ACBD6: variants seen among roughly 807,000 people sequenced by gnomAD.
ACBD6 encodes acyl-CoA binding domain containing 6, also known as acyl-CoA-binding domain-containing protein 6.
Under a neutral mutation model 37.2 loss-of-function variants are expected in ACBD6, and 28 were observed. That is an observed-to-expected ratio of 0.75 (90% confidence interval 0.56 to 1.03). The LOEUF is 1.03. ACBD6 is among the 50% of genes least tolerant of loss of function. ACBD6 has a pLI of 0.00. For synonymous variants in ACBD6, 113 were observed against 126.8 expected (o/e 0.89, Z 0.73); for missense variants, 340 against 337.4 (o/e 1.01, Z -0.06).
chr1:180,289,454 A>C (rs1649616848), intron 7 of ACBD6, among the ~76,000 whole-genome samples: 1 of 152,230 alleles, frequency 6.6e-6, no homozygotes, highest in Non-Finnish European at 1.5e-5. Context: ...AATGCCAAGC[A>C]CTGATAAGGA....
At chr1:180,321,048 G>A (rs996910871) in intron 6 of ACBD6, among the ~76,000 whole-genome samples, 7 of 152,106 alleles carry the variant, frequency 4.6e-5, no homozygotes, top group African/African-American at 1.2e-4. Flanking sequence ...TAAAGAGGCT[G>A]TCTTTTCCCC....
chr1:180,361,744 C>T (rs1013034339), intron 6 of ACBD6, among the ~76,000 whole-genome samples: 13 of 152,114 alleles, frequency 8.5e-5, no homozygotes, highest in African/African-American at 3.1e-4. Flanking sequence ...CAAAATACCA[C>T]AGAAACATCA....
intron 6 of ACBD6, among the ~76,000 whole-genome samples, chr1:180,314,958 G>A (rs1227476057): frequency 2.6e-5 from 4 of 152,158 alleles, no homozygotes; most frequent in Admixed American, 6.5e-5. Context: ...AGGATGACCA[G>A]TTACTCCAGA....
intron 7 of ACBD6, among the ~76,000 whole-genome samples, chr1:180,294,326 G>A (rs577001940): frequency 3.3e-5 from 5 of 152,026 alleles, no homozygotes; most frequent in Admixed American, 2.6e-4. Context: ...ATTGCCTGAG[G>A]TCAGGAGTTT....
At chr1:180,476,892 G>A (rs954216003) in intron 3 of ACBD6, among the ~76,000 whole-genome samples, 11 of 151,980 alleles carry the variant, frequency 7.2e-5, no homozygotes, top group African/African-American at 2.4e-4. Context: ...CAAGTACATG[G>A]ATGGAAGAAA....
chr1:180,404,296 G>A (rs1647510929), intron 5 of ACBD6, among the ~76,000 whole-genome samples: 2 of 151,958 alleles, frequency 1.3e-5, no homozygotes, highest in African/African-American at 4.8e-5. Flanking sequence ...GTATGGTGGT[G>A]GTGGTTACAC....
At chr1:180,421,067 T>C (rs1273099194) in intron 4 of ACBD6, among the ~76,000 whole-genome samples, 1 of 152,132 alleles carries the variant, frequency 6.6e-6, no homozygotes, top group Non-Finnish European at 1.5e-5. Flanking sequence ...GTTTGCTACA[T>C]ATGTAAATAG....
In ACBD6 at chr1:180,492,279, C is replaced by T; in HGVS notation, c.374G>A (p.Trp125Ter). The change falls in exon 3 of 8, where the codon TGG becomes TAG. Residue 125 changes from tryptophan to a stop codon, truncating the protein, a stop_gained. Coordinates refer to ENST00000367595, the MANE Select transcript of ACBD6 (RefSeq NM_032360.4). LOFTEE classifies it high-confidence loss of function. ...IAVVKKLDPG[W>*]NPQIPEKKGK... Reference sequence around the variant, plus strand: ...ATCATTAAGTCTTACCTGAGGATTCCAACCTGGATCTAGTTTTTTAACTAC... The same window carrying T: ...ATCATTAAGTCTTACCTGAGGATTCTAACCTGGATCTAGTTTTTTAACTAC... 6.2e-7 allele frequency: 1 copy of T among 1,613,488 alleles called. No individual in the cohort carries two copies. Among genetic ancestry groups the T allele is most frequent in the Non-Finnish European group, 8.5e-7 (1 of 1,179,574 alleles).
At chr1:180,350,854 T>C (rs1015016038) in intron 6 of ACBD6, among the ~76,000 whole-genome samples, 1 of 152,210 alleles carries the variant, frequency 6.6e-6, no homozygotes, top group Non-Finnish European at 1.5e-5. Context: ...TGGCTCATAA[T>C]TGTTCTTTAA....
rs186238570 is a variant in ACBD6 at position 180,375,427 on chromosome 1, G to C, written c.663+22089C>G. Reference sequence around the variant, plus strand: ...TGCAGTCTCGATCTCCTGGGCTCAGGTGATCCTCCTGCTTCAGCCTCATGA... The same window carrying C: ...TGCAGTCTCGATCTCCTGGGCTCAGCTGATCCTCCTGCTTCAGCCTCATGA... On this transcript the variant is annotated intron_variant, in intron 6 of 7. Coordinates refer to ENST00000367595, the MANE Select transcript of ACBD6 (RefSeq NM_032360.4). Among the ~76,000 whole-genome samples the C allele has an allele frequency of 2.1e-3, 317 of 152,292 alleles. 2 individuals carry two copies. Among genetic ancestry groups the C allele is most frequent in the African/African-American group, 7.0e-3 (289 of 41,550 alleles).
chr1:180,387,353 G>A (rs931855985), intron 6 of ACBD6, among the ~76,000 whole-genome samples: 5 of 152,174 alleles, frequency 3.3e-5, no homozygotes, highest in African/African-American at 1.2e-4. Flanking sequence ...TTGGGAAGGG[G>A]AGAAGTACTA....
intron 5 of ACBD6, among the ~76,000 whole-genome samples, chr1:180,404,040 TCCTG>T (rs1647500678): frequency 6.6e-6 from 1 of 151,746 alleles, no homozygotes; most frequent in Non-Finnish European, 1.5e-5. Context: ...AACCTCCACC[TCCTG>T]GGTTCAAGAG....
chr1:180,501,127 T>C (rs920625711), intron 1 of ACBD6, among the ~76,000 whole-genome samples: 1 of 152,228 alleles, frequency 6.6e-6, no homozygotes, highest in African/African-American at 2.4e-5. Flanking sequence ...GATGTATTTG[T>C]ATGACCCTAG....
chr1:180,294,823 T>C (rs1649857128), intron 7 of ACBD6, among the ~76,000 whole-genome samples: 1 of 151,434 alleles, frequency 6.6e-6, no homozygotes, highest in Non-Finnish European at 1.5e-5. Context: ...GCCTCCTGAG[T>C]AGCTGGGACT....
At chr1:180,421,930 C>T (rs1395367586) in intron 4 of ACBD6, among the ~76,000 whole-genome samples, 3 of 152,056 alleles carry the variant, frequency 2.0e-5, no homozygotes, top group African/African-American at 7.2e-5. Context: ...TTATCTTGAC[C>T]TTTCTAAAGT....
chr1:180,388,892 T>A (rs183667594), intron 6 of ACBD6, among the ~76,000 whole-genome samples: 1 of 152,202 alleles, frequency 6.6e-6, no homozygotes, highest in Admixed American at 6.5e-5. Flanking sequence ...CTATAAAACA[T>A]CAAATGAAAG....
chr1:180,307,615 T>C (rs1308567889), intron 7 of ACBD6, among the ~76,000 whole-genome samples: 3 of 152,162 alleles, frequency 2.0e-5, no homozygotes, highest in Admixed American at 1.3e-4. Flanking sequence ...AAGTATCTCA[T>C]GTACCCCATA....
At chr1:180,441,554 T>C (rs1450198519) in intron 3 of ACBD6, among the ~76,000 whole-genome samples, 2 of 152,218 alleles carry the variant, frequency 1.3e-5, no homozygotes, top group African/African-American at 2.4e-5. Flanking sequence ...TTAATTTCTT[T>C]CGGCAATATA....
chr1:180,291,644 T>C lies in ACBD6; in HGVS notation c.695-3127A>G, dbSNP rs977255523. On this transcript the variant is annotated intron_variant, in intron 7 of 7. Coordinates refer to ENST00000367595, the MANE Select transcript of ACBD6 (RefSeq NM_032360.4). ...GTTTTATAAATATTTTCTCCCAGTA[T>C]ATGACTTCTCATTTTTTTTAAGAGT... Among the ~76,000 whole-genome samples the C allele has an allele frequency of 3.9e-5, 6 of 152,172 alleles. No homozygotes were observed. The South Asian group carries it at 6.2e-4, about 16-fold the overall frequency.
Sources: allele counts gnomAD v4.1 joint callset (sites outside exome capture counted in the v4.1 genomes callset), GRCh38; gene constraint gnomAD v4.1.1; transcripts MANE v1.5; gene names NCBI Gene and HGNC (gene_info 2026-07-23, HGNC 2026-07-21).